Variants in CTBP1 observed in about 807,000 individuals in gnomAD.
CTBP1 encodes the protein C-terminal-binding protein 1.
Under a neutral mutation model 42.1 loss-of-function variants are expected in CTBP1, and 11 were observed. The observed-to-expected ratio is 0.26, with a 90% CI of 0.16 to 0.43. The LOEUF is 0.43. CTBP1 is among the 20% of genes least tolerant of loss of function. The pLI, the probability that CTBP1 is intolerant of heterozygous loss-of-function variation, is 1.00. For missense variants in CTBP1, 399 were observed against 624.3 expected (o/e 0.64, Z 3.85); for synonymous variants, 324 against 277.1 (o/e 1.17, Z -1.68).
At chr4:1,226,933 C>T (rs1730414024) in intron 4 of CTBP1, among the ~76,000 whole-genome samples, 1 of 152,020 alleles carries the variant, frequency 6.6e-6, no homozygotes, top group African/African-American at 2.4e-5. Context: ...TTTGCAATGC[C>T]ATAAACTGTA....
At chr4:1,222,324 C>G (rs920755889) in intron 5 of CTBP1, among the ~76,000 whole-genome samples, 1 of 151,886 alleles carries the variant, frequency 6.6e-6, no homozygotes, top group Admixed American at 6.5e-5. Context: ...GCTCGTGTCC[C>G]TAAGGACAGA....
At chr4:1,243,743 A>C (rs1045026269) in intron 1 of CTBP1, 119 of 985,194 alleles carry the variant, frequency 1.2e-4, no homozygotes, top group Non-Finnish European at 1.3e-4. Flanking sequence ...CCAGCTCTGT[A>C]CCTTGCCCAC....
At chr4:1,221,870 AG>A in intron 5 of CTBP1, 1 of 416,434 alleles carries the variant, frequency 2.4e-6, no homozygotes, top group Non-Finnish European at 4.8e-6. Flanking sequence ...GAAGGAAGGA[AG>A]GAAGGGAAGG....
In CTBP1 at chr4:1,238,017, G is replaced by A. The variant is rs771182965; in HGVS notation, c.162+166C>T. 1.9e-5 allele frequency: 17 copies of A among 901,228 alleles called. No individual in the cohort carries two copies. Among genetic ancestry groups the A allele is most frequent in the South Asian group, 1.1e-4 (8 of 74,400 alleles). The allele number at this position is 901,228 out of a possible 1,614,324, so 55.8% of individuals were successfully genotyped here. A position where few individuals can be genotyped will look rare whatever the true frequency, so the allele number is the denominator to read the frequency against. On this transcript the variant is annotated intron_variant, in intron 3 of 9. Transcript: ENST00000382952. The surrounding 1 kb of genome is among the most constrained non-coding windows in gnomAD (Gnocchi z 5.9). ...ATGTCCACCTCCTGATGGTGTCCAGGGAAAACCCCGTGTCCACCTCCTGAC... is the reference window on the plus strand; with the variant it reads ...ATGTCCACCTCCTGATGGTGTCCAGAGAAAACCCCGTGTCCACCTCCTGAC...
Position 1,241,514 on chromosome 4 carries a change from G to C in CTBP1, c.-183C>G. On this transcript the variant is annotated 5_prime_UTR_variant, in exon 2 of 10. Transcript: ENST00000382952. ...CACTGAAGCCTGCGTCGGGGTCAAA[G>C]TCTTACTAAAAATCAAACACAAGAG... The C allele has an allele frequency of 6.3e-7, 1 of 1,595,566 alleles. No homozygotes were observed. The highest frequency in any genetic ancestry group is 2.2e-5 in the East Asian group (1 of 44,682).
At chr4:1,227,672 G>A (rs376788665) in intron 4 of CTBP1, among the ~76,000 whole-genome samples, 22 of 150,530 alleles carry the variant, frequency 1.5e-4, no homozygotes, top group African/African-American at 4.4e-4. Flanking sequence ...ATGAGTGTGC[G>A]TGTTCCATGT....
chr4:1,222,351 C>A (rs1278057347), intron 5 of CTBP1, among the ~76,000 whole-genome samples: 1 of 152,064 alleles, frequency 6.6e-6, no homozygotes, highest in Non-Finnish European at 1.5e-5. Flanking sequence ...CTCCTCAGCT[C>A]CCGAGGCCGA....
At chr4:1,215,787 G>C (rs1001504353) in intron 6 of CTBP1, 25 of 604,354 alleles carry the variant, frequency 4.1e-5, no homozygotes, top group Non-Finnish European at 2.9e-5. Context: ...GAGTATTTTA[G>C]ATGTCCTGAG....
intron 4 of CTBP1, among the ~76,000 whole-genome samples, chr4:1,227,867 T>C (rs1359975311): frequency 6.6e-6 from 1 of 152,214 alleles, no homozygotes; most frequent in East Asian, 1.9e-4. Context: ...CTATGAGCCC[T>C]ATTACAGCCA....
intron 3 of CTBP1, among the ~76,000 whole-genome samples, chr4:1,229,452 G>A (rs1001228117): frequency 1.3e-5 from 2 of 152,360 alleles, no homozygotes; most frequent in South Asian, 2.1e-4. Context: ...AGACACCAGT[G>A]AGCCTCCCAT....
chr4:1,216,772 G>C (rs1729168354), intron 5 of CTBP1: 1 of 166,964 alleles, frequency 6.0e-6, no homozygotes, highest in Non-Finnish European at 1.3e-5. Context: ...CACCCCAGCA[G>C]TCCAAGGCTG....
chr4:1,240,857 T>C (rs1184259587), intron 2 of CTBP1, among the ~76,000 whole-genome samples: 1 of 152,124 alleles, frequency 6.6e-6, no homozygotes, highest in African/African-American at 2.4e-5. Context: ...GAAGCAGGCT[T>C]TGCAGCATCC....
At chr4:1,249,925 A>G (rs996058819), upstream of CTBP1, 2 of 186,500 alleles carry the variant, frequency 1.1e-5, no homozygotes, top group African/African-American at 4.8e-5. Context: ...GGAGGGCCCG[A>G]AAGTCCCTTC....
chr4:1,245,058 C>T (rs1220271263), intron 1 of CTBP1: 22 of 983,844 alleles, frequency 2.2e-5, no homozygotes, highest in Admixed American at 6.1e-5. Flanking sequence ...GAGAACCTCC[C>T]CCAGACAGAC....
intron 3 of CTBP1, chr4:1,237,325 G>A (rs1218550263): frequency 1.5e-5 from 6 of 393,288 alleles, no homozygotes; most frequent in African/African-American, 7.0e-5. Flanking sequence ...AGGACAAACC[G>A]AGTGTCCACC....
chr4:1,238,689 C>A lies in CTBP1; in HGVS notation c.8-352G>T, dbSNP rs1731837174. 6.6e-6 allele frequency among the ~76,000 whole-genome samples: 1 copy of A among 150,696 alleles called. No homozygotes were observed. Among genetic ancestry groups the A allele is most frequent in the African/African-American group, 2.5e-5 (1 of 40,816 alleles). ...CACCCTCCAAGACCCTCCGAGACCC[C>A]CCAAGAAATCTCCAGACCCTCTGAG... On this transcript the variant is annotated intron_variant, in intron 2 of 9. Coordinates refer to ENST00000382952, the MANE Select transcript of CTBP1 (RefSeq NM_001012614.2). The surrounding 1 kb of genome is among the most constrained non-coding windows in gnomAD (Gnocchi z 5.9).
chr4:1,227,240 TTC>T (rs1390520402), intron 4 of CTBP1, among the ~76,000 whole-genome samples: 1 of 151,770 alleles, frequency 6.6e-6, no homozygotes, highest in Admixed American at 6.6e-5. Context: ...GGTGCATGTG[TTC>T]TGTGTGATGA....
chr4:1,214,543 T>TTGGGAA lies in CTBP1; in HGVS notation c.730-71_730-70insTTCCCA. 2.0e-6 allele frequency: 3 copies of TTGGGAA among 1,496,150 alleles called. No individual in the cohort carries two copies. In the South Asian group the frequency reaches 4.0e-5, roughly 20 times the overall value. The allele number at this position is 1,496,150 out of a possible 1,614,324, so 92.7% of individuals were successfully genotyped here. On this transcript the variant is annotated intron_variant, in intron 6 of 9. Transcript: ENST00000382952. ...AGGGCGGGCAGCCAGGGAAGCAAGG[T>TTGGGAA]GGTCACGCACGCCGTTGGGAAGGCC...
chr4:1,238,445 G>T lies in CTBP1; in HGVS notation c.8-108C>A. The T allele has an allele frequency of 7.6e-7, 1 of 1,316,782 alleles. No individual in the cohort carries two copies. The highest frequency in any genetic ancestry group is 2.4e-5 in the East Asian group (1 of 41,498). The allele number at this position is 1,316,782 out of a possible 1,614,324, so 81.6% of individuals were successfully genotyped here. A position where few individuals can be genotyped will look rare whatever the true frequency, so the allele number is the denominator to read the frequency against. On this transcript the variant is annotated intron_variant, in intron 2 of 9. Transcript: ENST00000382952. The surrounding 1 kb of genome is among the most constrained non-coding windows in gnomAD (Gnocchi z 5.9). ...GGCCAACGAGGGCCGACCGCCGGGG[G>T]TTTTCTGGTCTATATGTTGTGATAT... is the stretch of plus-strand genomic sequence containing the variant.
Sources: allele counts gnomAD v4.1 joint callset (sites outside exome capture counted in the v4.1 genomes callset), GRCh38; gene constraint gnomAD v4.1.1; non-coding constraint Gnocchi (gnomAD v3.1); transcripts MANE v1.5; gene names NCBI Gene and HGNC (gene_info 2026-07-23, HGNC 2026-07-21).